The following MCF2L variants were observed in gnomAD, a reference collection of about 807,000 sequenced individuals.
The protein encoded by MCF2L is MCF.2 cell line derived transforming sequence like.
Under a neutral mutation model 153.4 loss-of-function variants are expected in MCF2L, and 97 were observed. That is an observed-to-expected ratio of 0.63 (90% CI 0.54 to 0.75). The LOEUF (loss-of-function observed/expected upper bound fraction) is 0.75. Ranked by LOEUF, MCF2L falls within the 30% of genes least tolerant of loss-of-function variation. The probability of loss-of-function intolerance (pLI) is 0.00; values close to 1 mark genes in which losing one functional copy is unlikely to be tolerated. For synonymous variants in MCF2L, 659 were observed against 632.2 expected (o/e 1.04, Z -0.64); for missense variants, 1,347 against 1,495.2 (o/e 0.90, Z 1.64).
chr13:112,983,747 G>T lies in MCF2L; in HGVS notation c.79+14289G>T, dbSNP rs1040317034. ...GAAGCGTGGTGTCTGCAGCCTCCTGGGCCTTCCCTTCTGCCTGGCTTCCTC... is the reference window on the plus strand; with the variant it reads ...GAAGCGTGGTGTCTGCAGCCTCCTGTGCCTTCCCTTCTGCCTGGCTTCCTC... On this transcript the variant is annotated intron_variant, in intron 1 of 29. Transcript: ENST00000535094. This position sits in a 1 kb window ranked among gnomAD's most constrained non-coding sequence, Gnocchi z 4.0. Among the ~76,000 whole-genome samples, 1 of 152,168 alleles carries T rather than the reference G, an allele frequency of 6.6e-6. No homozygotes were observed. The highest frequency in any genetic ancestry group is 2.4e-5 in the African/African-American group (1 of 41,448).
Position 113,074,160 on chromosome 13 carries a change from G to A in MCF2L, c.997-284G>A, listed in dbSNP as rs1355967376. On this transcript the variant is annotated intron_variant, in intron 9 of 29. Coordinates refer to ENST00000535094, the MANE Select transcript of MCF2L (RefSeq NM_001112732.3). The surrounding 1 kb of genome is among the most constrained non-coding windows in gnomAD (Gnocchi z 4.2). ...CATCTTCTCCTCATGCTGTTTTCAGGCGTGTGGTTGATAAACGGAGGCACA... is the reference window on the plus strand; with the variant it reads ...CATCTTCTCCTCATGCTGTTTTCAGACGTGTGGTTGATAAACGGAGGCACA... Among the ~76,000 whole-genome samples the A allele has an allele frequency of 6.6e-6, 1 of 151,968 alleles. No homozygotes were observed. Among genetic ancestry groups the A allele is most frequent in the African/African-American group, 2.4e-5 (1 of 41,336 alleles).
intron 2 of MCF2L, chr13:112,910,109 A>G (rs1327508435): frequency 2.0e-5 from 3 of 152,272 alleles, no homozygotes; most frequent in Non-Finnish European, 2.9e-5. Flanking sequence ...GTTCATAGAA[A>G]GTGAATATAA....
intron 20 of MCF2L, 40 bp downstream of exon 20, chr13:113,085,218 C>G: frequency 4.4e-6 from 7 of 1,579,628 alleles, no homozygotes; most frequent in East Asian, 2.2e-5. Flanking sequence ...TCCCCAGCAC[C>G]TGCTGGCCAG....
At chr13:112,908,609 T>C (rs1005592737) in intron 2 of MCF2L, among the ~76,000 whole-genome samples, 8 of 152,232 alleles carry the variant, frequency 5.3e-5, no homozygotes, top group Admixed American at 3.3e-4. Flanking sequence ...ATGTGCTCTA[T>C]GATTAAAGTC....
At chr13:113,048,669 C>G (rs188745468) in intron 4 of MCF2L, among the ~76,000 whole-genome samples, 34 of 152,280 alleles carry the variant, frequency 2.2e-4, no homozygotes, top group African/African-American at 7.7e-4. Context: ...GTCTCAATCT[C>G]CTGACCTCGT....
Position 113,087,810 on chromosome 13 carries a change from C to A in MCF2L, c.2688+11C>A. 6.2e-7 allele frequency: 1 copy of A among 1,610,298 alleles called. No individual in the cohort carries two copies. Among genetic ancestry groups the A allele is most frequent in the South Asian group, 1.1e-5 (1 of 90,988 alleles). On this transcript the variant is annotated intron_variant, in intron 23 of 29. Coordinates refer to ENST00000535094, the MANE Select transcript of MCF2L (RefSeq NM_001112732.3). ...GTCTACATCGTCCAGGTGGGCCACCCACCCTACCCCTGGCCTCTTACACAT... is the reference window on the plus strand; with the variant it reads ...GTCTACATCGTCCAGGTGGGCCACCAACCCTACCCCTGGCCTCTTACACAT...
intron 15 of MCF2L, 150 bp from the exon 16 acceptor site, chr13:113,081,063 G>A: frequency 1.7e-6 from 1 of 596,846 alleles, no homozygotes; most frequent in Non-Finnish European, 2.8e-6. Flanking sequence ...GGAACCCCGA[G>A]GAGCGTCCAG....
chr13:112,970,586 G>T lies in MCF2L; in HGVS notation c.79+1128G>T, dbSNP rs530528636. Among the ~76,000 whole-genome samples, 3 of 152,192 alleles carry T rather than the reference G, an allele frequency of 2.0e-5. No homozygotes were observed. The South Asian group carries it at 6.2e-4, about 32-fold the overall frequency. ...TTTGCAGGGTTTGAGTATGGTGAAG[G>T]GCTGCGTGGATGCCAGGTTCACAGG... On this transcript the variant is annotated intron_variant, in intron 1 of 29. Transcript: ENST00000535094.
intron 1 of MCF2L, among the ~76,000 whole-genome samples, chr13:112,998,574 G>A (rs2083232616): frequency 6.6e-6 from 1 of 152,188 alleles, no homozygotes; most frequent in Admixed American, 6.5e-5. Context: ...TGCTTTCCTG[G>A]GGGATGGGAT....
chr13:112,945,411 C>T (rs1334491000), intron 2 of MCF2L, among the ~76,000 whole-genome samples: 1 of 152,218 alleles, frequency 6.6e-6, no homozygotes, highest in Non-Finnish European at 1.5e-5. Context: ...CCTGTACTTT[C>T]TGCCCAATTT....
chr13:113,000,405 G>C (rs1273044715), intron 1 of MCF2L, among the ~76,000 whole-genome samples: 1 of 152,212 alleles, frequency 6.6e-6, no homozygotes, highest in East Asian at 1.9e-4. Context: ...GGATGAGGCT[G>C]CCTCTCAGAG....
chr13:113,050,227 AGT>A (rs755749225), intron 4 of MCF2L, among the ~76,000 whole-genome samples: 6 of 150,340 alleles, frequency 4.0e-5, no homozygotes, highest in East Asian at 2.0e-4. Context: ...AGACTGTGTG[AGT>A]GTGTGAGTGT....
At chr13:113,001,651 G>T in intron 1 of MCF2L, 4 of 1,305,742 alleles carry the variant, frequency 3.1e-6, no homozygotes, top group East Asian at 3.2e-5. Flanking sequence ...CTCAGCTGTC[G>T]CCAGGATCGC....
At chr13:113,067,207 CGCGGAGGCAGAGG>C in intron 8 of MCF2L, among the ~76,000 whole-genome samples, 1 of 152,012 alleles carries the variant, frequency 6.6e-6, no homozygotes, top group Non-Finnish European at 1.5e-5. Context: ...GTCCCAGCTA[CGCGGAGGCAGAGG>C]TCGCAGTGAG....
rs79307738 is a variant in MCF2L at position 112,989,068 on chromosome 13, C to A, written c.79+19610C>A. ...CCCTGAGCAGGACATGGAGCTACCACGCCCGAGTCCTCCCTGAGCAGGGGA... is the reference window on the plus strand; with the variant it reads ...CCCTGAGCAGGACATGGAGCTACCAAGCCCGAGTCCTCCCTGAGCAGGGGA... On this transcript the variant is annotated intron_variant, in intron 1 of 29. Transcript: ENST00000535094. Among the ~76,000 whole-genome samples the A allele has an allele frequency of 2.0e-4, 11 of 54,050 alleles. 2 individuals are homozygous for A. The East Asian group carries it at 2.7e-3, about 13-fold the overall frequency. 35.5% of individuals were successfully genotyped at this position (54,050 alleles called of 152,430 possible). A position where few individuals can be genotyped will look rare whatever the true frequency, so the allele number is the denominator to read the frequency against.
At position 113,035,266 on chromosome 13, in the gene MCF2L, G is replaced by C. The variant is rs576503256; in HGVS notation, c.279-10005G>C. On this transcript the variant is annotated intron_variant, in intron 3 of 29. Coordinates refer to ENST00000535094, the MANE Select transcript of MCF2L (RefSeq NM_001112732.3). The surrounding 1 kb of genome is among the most constrained non-coding windows in gnomAD (Gnocchi z 4.4). ...TGTGTCCTGCTGTAACTACCATGTA[G>C]TGCACTTATGAATCGTGCATATTTT... Among the ~76,000 whole-genome samples the C allele has an allele frequency of 2.0e-5, 3 of 152,362 alleles. No homozygotes were observed. The highest frequency in any genetic ancestry group is 7.2e-5 in the African/African-American group (3 of 41,590).
chr13:113,064,493 C>T lies in MCF2L; in HGVS notation c.606+73C>T. The T allele has an allele frequency of 2.2e-6, 2 of 924,344 alleles. No individual in the cohort carries two copies. The highest frequency in any genetic ancestry group is 2.6e-5 in the South Asian group (2 of 75,720). The allele number at this position is 924,344 out of a possible 1,614,324, so 57.3% of individuals were successfully genotyped here. On this transcript the variant is annotated intron_variant, in intron 6 of 29. Transcript: ENST00000535094. The surrounding 1 kb of genome is among the most constrained non-coding windows in gnomAD (Gnocchi z 6.0). Reference sequence around the variant, plus strand: ...CTTCCACAGAATCGCTCTTGCATTACAACACGGCCCTTTCCAAAAACACAT... The same window carrying T: ...CTTCCACAGAATCGCTCTTGCATTATAACACGGCCCTTTCCAAAAACACAT...
chr13:113,086,401 C>G, intron 21 of MCF2L, 152 bp downstream of exon 21: 1 of 1,048,454 alleles, frequency 9.5e-7, no homozygotes, highest in Non-Finnish European at 1.3e-6. Flanking sequence ...TAAGCCCACT[C>G]CCAGGCCCCA....
chr13:112,913,176 CTG>C (rs1181418882), intron 2 of MCF2L, among the ~76,000 whole-genome samples: 2 of 92,258 alleles, frequency 2.2e-5, no homozygotes, highest in African/African-American at 6.6e-5. Flanking sequence ...TGGGGTGTGT[CTG>C]TGTGATTGTG....
Sources: gnomAD v4.1 joint callset for allele counts (sites outside exome capture counted in the v4.1 genomes callset) on GRCh38, gnomAD v4.1.1 for gene constraint, Gnocchi (gnomAD v3.1) non-coding constraint, MANE v1.5 for transcripts, NCBI Gene and HGNC (gene_info 2026-07-23, HGNC 2026-07-21) for gene names.